DHRS12: variants seen among roughly 807,000 people sequenced by gnomAD.
The protein encoded by DHRS12 is dehydrogenase/reductase 12, also known as dehydrogenase/reductase SDR family member 12.
A neutral mutation model predicts 32.1 loss-of-function variants in DHRS12; 29 were observed. The observed-to-expected ratio is 0.90, with a 90% CI of 0.67 to 1.23. The LOEUF (loss-of-function observed/expected upper bound fraction) is 1.23. Among genes scored for constraint, DHRS12 ranks in the 50% most tolerant of loss-of-function variants. DHRS12 has a pLI of 0.00. For missense variants in DHRS12, 330 were observed against 337.2 expected, an observed-to-expected ratio of 0.98 and a Z score of 0.17; for synonymous variants, 150 against 135.9, an observed-to-expected ratio of 1.10 and a Z score of -0.72.
rs1955250249 is a variant in DHRS12, at chr13:51,791,166, A to G, written c.218T>C (p.Leu73Pro). 3 of 1,570,768 alleles carry G rather than the reference A, an allele frequency of 1.9e-6. No homozygotes were observed. The highest frequency in any genetic ancestry group is 2.3e-5 in the East Asian group (1 of 43,696). The change falls in exon 3 of 9, where the codon CTG becomes CCG. Residue 73 changes from leucine to proline, a missense_variant and splice_region_variant. Coordinates refer to ENST00000444610, the MANE Select transcript of DHRS12 (RefSeq NM_001377533.1). ...NFKQEHKLHV[L>P]INNAGCMVNK... ...TCCACTTATGTTTACAAAGCTCACC[A>G]GAACATGGAGTTTATGTTCCTGCTT...
At chr13:51,758,552 TAAAAAAAA>T in the DHRS12 span, among the ~76,000 whole-genome samples, 3 of 127,722 alleles carry the variant, frequency 2.3e-5, no homozygotes, top group Non-Finnish European at 1.7e-5. Context: ...CCTCATCTCT[TAAAAAAAA>T]AAAAAAAAAA....
At chr13:51,762,544 G>A in the DHRS12 span, 1 of 152,134 alleles carries the variant, frequency 6.6e-6, no homozygotes, top group South Asian at 2.1e-4. Flanking sequence ...GAATTCTTGC[G>A]TTTTGCATTA....
chr13:51,771,677 G>A (rs1377550340), intron 7 of DHRS12, 144 bp downstream of exon 7: 37 of 1,326,162 alleles, frequency 2.8e-5, no homozygotes, highest in Admixed American at 9.9e-5. Context: ...GTCCCAACGC[G>A]CCCCTGCCTA....
At chr13:51,803,703 C>G (rs1040281161) in intron 1 of DHRS12, 1 of 198,304 alleles carries the variant, frequency 5.0e-6, no homozygotes, top group Non-Finnish European at 1.0e-5. Flanking sequence ...AGCAGCACCA[C>G]GAAGACACTT....
chr13:51,760,175 T>C, the DHRS12 span: 1 of 159,714 alleles, frequency 6.3e-6, no homozygotes, highest in African/African-American at 2.4e-5. Context: ...TACTTCAACA[T>C]GTGTCACGTG....
chr13:51,758,196 G>C, the DHRS12 span: 1 of 1,569,398 alleles, frequency 6.4e-7, no homozygotes, highest in Non-Finnish European at 8.7e-7. Flanking sequence ...TTCTAGACGT[G>C]CACCCACAGC....
downstream of DHRS12, chr13:51,766,776 A>AATC (rs1308101168): frequency 6.6e-6 from 1 of 152,246 alleles, no homozygotes; most frequent in African/African-American, 2.4e-5. Flanking sequence ...GTTTAAAATA[A>AATC]ATCTCTGTGA....
chr13:51,768,472 AT>A, intron 8 of DHRS12, 176 bp from the exon 9 acceptor site: 1 of 1,434,046 alleles, frequency 7.0e-7, no homozygotes, highest in East Asian at 2.5e-5. Context: ...ATGGATTGAT[AT>A]GTAAAGTGCA....
intron 5 of DHRS12, among the ~76,000 whole-genome samples, chr13:51,776,823 C>T (rs529238912): frequency 2.6e-5 from 4 of 152,194 alleles, no homozygotes; most frequent in East Asian, 3.9e-4. Flanking sequence ...TTTGCCGACA[C>T]CCACGTGACA....
chr13:51,773,916 C>A lies in DHRS12; in HGVS notation c.468+14G>T. ...GTGGGTAAAATGCAGTCTCAGGAAA[C>A]CCACCTCACTGACCTTGTTTTGTGC... On this transcript the variant is annotated intron_variant, in intron 6 of 8. Coordinates refer to ENST00000444610, the MANE Select transcript of DHRS12 (RefSeq NM_001377533.1). The A allele has an allele frequency of 2.5e-6, 4 of 1,612,170 alleles. No individual in the cohort carries two copies. Among genetic ancestry groups the A allele is most frequent in the South Asian group, 1.1e-5 (1 of 91,022 alleles).
chr13:51,767,749 C>A (rs1953797269), downstream of DHRS12: 1 of 149,868 alleles, frequency 6.7e-6, no homozygotes, highest in Admixed American at 7.9e-5. Context: ...GGACCATGCA[C>A]AGTAAAGGCA....
chr13:51,772,860 G>A (rs965211969), intron 6 of DHRS12: 4 of 985,348 alleles, frequency 4.1e-6, no homozygotes, highest in Non-Finnish European at 4.8e-6. Flanking sequence ...GTCATGAGAT[G>A]TAATTCACCA....
rs1412365085 is a variant in DHRS12, at chr13:51,769,045, C to T, written c.697+111G>A. 2.0e-6 allele frequency: 3 copies of T among 1,502,398 alleles called. No homozygotes were observed. In the African/African-American group the frequency reaches 4.2e-5, roughly 21 times the overall value. The allele number at this position is 1,502,398 out of a possible 1,614,324, so 93.1% of individuals were successfully genotyped here. On this transcript the variant is annotated intron_variant, in intron 8 of 8. Coordinates refer to ENST00000444610, the MANE Select transcript of DHRS12 (RefSeq NM_001377533.1). ...TCTCGCCAAAGAAGCCCAGGCACCC[C>T]CCAGGGGACAGTCCCACCCCAGGTT... is the stretch of plus-strand genomic sequence containing the variant.
the DHRS12 span, chr13:51,761,247 A>G: frequency 6.6e-6 from 1 of 152,124 alleles, no homozygotes; most frequent in Admixed American, 6.6e-5. Context: ...AACCTGAAGA[A>G]CTCTTATTTC....
chr13:51,759,650 G>GA, the DHRS12 span: 5 of 1,310,826 alleles, frequency 3.8e-6, no homozygotes, highest in African/African-American at 1.5e-5. Context: ...TTTGTTAAAT[G>GA]AAAAAAATTT....
At chr13:51,776,059 T>C (rs866004354) in intron 5 of DHRS12, 5 of 108,742 alleles carry the variant, frequency 4.6e-5, no homozygotes, top group Non-Finnish European at 7.4e-5. Context: ...CCTACATGTA[T>C]TCTACAGTAT....
chr13:51,795,032 C>T (rs755673971), intron 2 of DHRS12, among the ~76,000 whole-genome samples: 10 of 152,136 alleles, frequency 6.6e-5, no homozygotes, highest in Non-Finnish European at 1.3e-4. Context: ...AAGATCACCT[C>T]AGCATGATAT....
downstream of DHRS12, chr13:51,764,178 G>A (rs1420665730): frequency 6.6e-6 from 1 of 152,162 alleles, no homozygotes; most frequent in Non-Finnish European, 1.5e-5. Flanking sequence ...TGTCAACCGT[G>A]TTGAGCGCTC....
intron 5 of DHRS12, chr13:51,774,415 TCTC>T (rs1275348226): frequency 6.9e-6 from 1 of 144,744 alleles, no homozygotes; most frequent in Non-Finnish European, 1.5e-5. Flanking sequence ...TCTACAGTAT[TCTC>T]CTACAGTATT....
Sources: allele counts gnomAD v4.1 joint callset (sites outside exome capture counted in the v4.1 genomes callset), GRCh38; gene constraint gnomAD v4.1.1; transcripts MANE v1.5; gene names NCBI Gene and HGNC (gene_info 2026-07-23, HGNC 2026-07-21).